TARS3: variants seen among roughly 807,000 people sequenced by gnomAD.
TARS3 encodes threonine--tRNA ligase 2, cytoplasmic.
TARS3 carries 94 observed loss-of-function variants against 103.5 expected under a neutral mutation model. The observed-to-expected ratio is 0.91, with a 90% CI of 0.77 to 1.08. TARS3 has a LOEUF of 1.08. Ranked by LOEUF, TARS3 falls within the 50% of genes least tolerant of loss-of-function variation. The pLI, the probability that TARS3 is intolerant of heterozygous loss-of-function variation, is 0.00. For synonymous variants in TARS3, 416 were observed against 355.4 expected (o/e 1.17, Z -1.92); for missense variants, 952 against 995.2 (o/e 0.96, Z 0.58).
At position 101,674,729 on chromosome 15, in the gene TARS3, C is replaced by T. The variant is rs146846884; in HGVS notation, c.1788+871G>A. Among the ~76,000 whole-genome samples, 555 of 151,314 alleles carry T rather than the reference C, an allele frequency of 3.7e-3. 1 individual carries two copies. The highest frequency in any genetic ancestry group is 0.013 in the African/African-American group (537 of 41,164). ...GCTGAGGAGGAGAATGGCGTGAACC[C>T]GGGAGGTGGAGCTTGCAGTGAGCTG... On this transcript the variant is annotated intron_variant, in intron 13 of 18. Coordinates refer to ENST00000335968, the MANE Select transcript of TARS3 (RefSeq NM_152334.3).
At chr15:101,723,886 TAA>T (rs1334945283) in intron 1 of TARS3, among the ~76,000 whole-genome samples, 1 of 152,260 alleles carries the variant, frequency 6.6e-6, no homozygotes, top group Non-Finnish European at 1.5e-5. Context: ...AGCATTTGGT[TAA>T]GTCTGGCGAC....
chr15:101,674,521 A>G (rs1313093931), intron 13 of TARS3, among the ~76,000 whole-genome samples: 3 of 152,202 alleles, frequency 2.0e-5, no homozygotes, highest in East Asian at 3.9e-4. Flanking sequence ...GTGCATGAAC[A>G]GTGCTTAGTT....
In TARS3 at chr15:101,724,339, G is replaced by T; in HGVS notation, c.49C>A (p.Arg17=). The T allele has an allele frequency of 1.3e-6, 2 of 1,555,164 alleles. No individual in the cohort carries two copies. Among genetic ancestry groups the T allele is most frequent in the Non-Finnish European group, 8.6e-7 (1 of 1,157,186 alleles). ...AAEAVASRLE[R]QEEDIRWLWS... ...AGCCAGCGGATGTCCTCCTCCTGCCGCTCCAGGCGCGACGCCACGGCCTCC... is the reference window on the plus strand; with the variant it reads ...AGCCAGCGGATGTCCTCCTCCTGCCTCTCCAGGCGCGACGCCACGGCCTCC... The change falls in exon 1 of 19, where the codon CGG becomes AGG. Residue 17 remains arginine (R), a synonymous_variant. Coordinates refer to ENST00000335968, the MANE Select transcript of TARS3 (RefSeq NM_152334.3).
rs183500643 is a variant in TARS3 at position 101,669,996 on chromosome 15, C to T, written c.1967+1490G>A. 1.4e-4 allele frequency among the ~76,000 whole-genome samples: 21 copies of T among 152,336 alleles called. 1 individual carries two copies. Among genetic ancestry groups the T allele is most frequent in the African/African-American group, 5.1e-4 (21 of 41,566 alleles). The stretch of plus-strand genomic sequence containing the variant: ...AGACACTTAGATGCAAACAATGAAT[C>T]TTGACCCAAATGTCACATCTTACAC... On this transcript the variant is annotated intron_variant, in intron 15 of 18. Coordinates refer to ENST00000335968, the MANE Select transcript of TARS3 (RefSeq NM_152334.3).
At chr15:101,659,310 C>T (rs1450888592) in intron 16 of TARS3, among the ~76,000 whole-genome samples, 1 of 152,026 alleles carries the variant, frequency 6.6e-6, no homozygotes, top group Non-Finnish European at 1.5e-5. Flanking sequence ...TATATTTATT[C>T]TCAAATTACA....
Position 101,702,315 on chromosome 15 carries a change from G to A in TARS3, c.1145C>T (p.Pro382Leu). Reference protein sequence around the residue: ...TLQRIYGISFPDNKMMRDWEK... With the variant: ...TLQRIYGISFLDNKMMRDWEK... ...CCAGTCTCTCATCATCTTGTTATCA[G>A]GAAAGGATATTCCATAGATCCTCTG... Residue 382 changes from proline to leucine, a missense_variant, in exon 9 of 19, where the codon CCT becomes CTT. By Grantham distance (98) the Pro-to-Leu change is moderately conservative (BLOSUM62 -3). This residue lies in a region of TARS3 where 540 missense variants were observed against 631.0 expected (regional missense o/e 0.86). Transcript: ENST00000335968. The A allele has an allele frequency of 6.2e-7, 1 of 1,613,980 alleles. No homozygotes were observed. Among genetic ancestry groups the A allele is most frequent in the Non-Finnish European group, 8.5e-7 (1 of 1,179,930 alleles).
chr15:101,673,472 G>A (rs1347324702), intron 13 of TARS3, among the ~76,000 whole-genome samples: 2 of 152,152 alleles, frequency 1.3e-5, no homozygotes, highest in African/African-American at 4.8e-5. Flanking sequence ...CAGGAAGTGG[G>A]TGTCATTGCT....
chr15:101,722,298 TAC>T (rs1157296412), intron 2 of TARS3, among the ~76,000 whole-genome samples: 1 of 151,290 alleles, frequency 6.6e-6, no homozygotes, highest in Non-Finnish European at 1.5e-5. Context: ...ACAGAACGTG[TAC>T]AGAGTCACAC....
rs117828376 is a variant in TARS3 at position 101,665,403 on chromosome 15, A to G, written c.1968-3587T>C. 5.9e-5 allele frequency among the ~76,000 whole-genome samples: 9 copies of G among 152,376 alleles called. No individual in the cohort carries two copies. The East Asian group carries it at 1.5e-3, about 26-fold the overall frequency. On this transcript the variant is annotated intron_variant, in intron 15 of 18. Coordinates refer to ENST00000335968, the MANE Select transcript of TARS3 (RefSeq NM_152334.3). The stretch of plus-strand genomic sequence containing the variant: ...TTTACTTTGCAAGAAAATAAATTAT[A>G]TAACTTAAAAAATAAAACCCCCAAA...
intron 10 of TARS3, among the ~76,000 whole-genome samples, chr15:101,686,847 C>T (rs1202525706): frequency 6.6e-6 from 1 of 150,604 alleles, no homozygotes; most frequent in East Asian, 1.9e-4. Context: ...TCCTTAGATT[C>T]TCAACATTTG....
At position 101,654,602 on chromosome 15, in the gene TARS3, T is replaced by G; in HGVS notation, c.2389A>C (p.Asn797His). Residue 797 changes from asparagine (N) to histidine (H), a missense_variant, in exon 19 of 19, where the codon AAT becomes CAT. Coordinates refer to ENST00000335968, the MANE Select transcript of TARS3 (RefSeq NM_152334.3). Reference sequence around the variant, plus strand: ...GGACTTCAAAAGGCCTCCTCAGCATTGAGTGTCCGTGTCTTCCTGAGATTC... The same window carrying G: ...GGACTTCAAAAGGCCTCCTCAGCATGGAGTGTCCGTGTCTTCCTGAGATTC... ...LKNLRKTRTL[N>H]AEEAF 6.2e-7 allele frequency: 1 copy of G among 1,613,870 alleles called. No individual in the cohort carries two copies. The highest frequency in any genetic ancestry group is 1.1e-5 in the South Asian group (1 of 91,022).
Position 101,711,872 on chromosome 15 carries a change from T to G in TARS3, c.812+8A>C. The G allele has an allele frequency of 6.2e-7, 1 of 1,613,422 alleles. No individual in the cohort carries two copies. The highest frequency in any genetic ancestry group is 8.5e-7 in the Non-Finnish European group (1 of 1,179,564). On this transcript the variant is annotated splice_region_variant and intron_variant, in intron 5 of 18. Transcript: ENST00000335968. ...CATGCATTCACAAGCCAGTATTCAGTGTGTTACCTGTCTTCAATGAACATG... is the reference window on the plus strand; with the variant it reads ...CATGCATTCACAAGCCAGTATTCAGGGTGTTACCTGTCTTCAATGAACATG...
Position 101,653,879 on chromosome 15 carries a change from ACT to A in TARS3, c.*701_*702del, listed in dbSNP as rs1184071773. 1 of 152,180 alleles carries A rather than the reference ACT, an allele frequency of 6.6e-6. No homozygotes were observed. The highest frequency in any genetic ancestry group is 1.5e-5 in the Non-Finnish European group (1 of 68,034). 9.4% of individuals were successfully genotyped at this position (152,180 alleles called of 1,614,324 possible). A position where few individuals can be genotyped will look rare whatever the true frequency, so the allele number is the denominator to read the frequency against. On this transcript the variant is annotated 3_prime_UTR_variant, in exon 19 of 19. Transcript: ENST00000335968. Reference sequence around the variant, plus strand: ...ATGTCATCCCATCAAAAAAGTAACAACTCTAGGTGAGCGGCTTAGTGGTGGTA... The same window carrying A: ...ATGTCATCCCATCAAAAAAGTAACAACTAGGTGAGCGGCTTAGTGGTGGTA...
chr15:101,691,476 C>T (rs1898721628), intron 10 of TARS3, among the ~76,000 whole-genome samples: 1 of 151,308 alleles, frequency 6.6e-6, no homozygotes, highest in Non-Finnish European at 1.5e-5. Flanking sequence ...CACAGGGTTT[C>T]ACCATGTTGG....
intron 13 of TARS3, among the ~76,000 whole-genome samples, chr15:101,673,344 C>T (rs79978013): frequency 0.013 from 1,957 of 152,282 alleles, 40 homozygotes; most frequent in African/African-American, 0.044. Flanking sequence ...CACCAAGTTT[C>T]AAATGAATGG....
At chr15:101,677,278 T>A (rs956156421) in intron 12 of TARS3, among the ~76,000 whole-genome samples, 1 of 152,142 alleles carries the variant, frequency 6.6e-6, no homozygotes, top group Admixed American at 6.5e-5. Flanking sequence ...GTGGGCCTCA[T>A]CCAATCTGTT....
intron 12 of TARS3, among the ~76,000 whole-genome samples, chr15:101,678,515 T>TA (rs397978130): frequency 6.6e-6 from 1 of 152,018 alleles, no homozygotes; most frequent in Non-Finnish European, 1.5e-5. Context: ...CTTTTTTTTT[T>TA]ATTGGTTTCT....
intron 6 of TARS3, among the ~76,000 whole-genome samples, chr15:101,707,216 AC>A (rs1286844385): frequency 6.6e-6 from 1 of 152,118 alleles, no homozygotes; most frequent in Non-Finnish European, 1.5e-5. Flanking sequence ...GAAAAACTGA[AC>A]CCCCTGTGCA....
rs148060283 is a variant in TARS3, at chr15:101,683,063, A to G, written c.1650+1012T>C. On this transcript the variant is annotated intron_variant, in intron 12 of 18. Coordinates refer to ENST00000335968, the MANE Select transcript of TARS3 (RefSeq NM_152334.3). ...TTATCAATTTTATTGATCTTCTCAG[A>G]GAACCAGCTTTTGTTTTATTTTTAC... 2.3e-3 allele frequency among the ~76,000 whole-genome samples: 349 copies of G among 152,220 alleles called. 4 individuals carry two copies. Among genetic ancestry groups the G allele is most frequent in the African/African-American group, 7.9e-3 (329 of 41,552 alleles).
Sources: gnomAD v4.1 joint callset for allele counts (sites outside exome capture counted in the v4.1 genomes callset) on GRCh38, gnomAD v4.1.1 for gene constraint, gnomAD v4.1.1 regional missense constraint, MANE v1.5 for transcripts, NCBI Gene and HGNC (gene_info 2026-07-23, HGNC 2026-07-21) for gene names.